GPC6: variants seen among roughly 807,000 people sequenced by gnomAD.
GPC6 encodes the protein glypican 6, also known as glypican-6.
In GPC6, 14 loss-of-function variants were observed where a neutral mutation model predicts 55.2. The observed-to-expected ratio is 0.25, with a 90% CI of 0.17 to 0.40. The LOEUF (loss-of-function observed/expected upper bound fraction) is 0.40, where lower values mean the gene tolerates loss of function less well. Ranked by LOEUF, GPC6 falls within the 10% of genes least tolerant of loss-of-function variation. GPC6 has a pLI of 1.00. For synonymous variants in GPC6, 278 were observed against 259.6 expected (o/e 1.07, Z -0.68); for missense variants, 641 against 708.5 (o/e 0.90, Z 1.08).
At chr13:94,332,181 GC>G (rs1255850896) in intron 6 of GPC6, among the ~76,000 whole-genome samples, 1 of 152,058 alleles carries the variant, frequency 6.6e-6, no homozygotes, top group East Asian at 1.9e-4. Flanking sequence ...ATTCTTTTGG[GC>G]CCCTTTTCTC....
At chr13:93,811,291 C>T (rs1348306481) in intron 2 of GPC6, among the ~76,000 whole-genome samples, 1 of 152,226 alleles carries the variant, frequency 6.6e-6, no homozygotes, top group African/African-American at 2.4e-5. Context: ...TGACAGGGAA[C>T]ATGGACTGCT....
At position 93,961,057 on chromosome 13, in the gene GPC6, G is replaced by A. The variant is rs554564512; in HGVS notation, c.712-66672G>A. On this transcript the variant is annotated intron_variant, in intron 3 of 8. Coordinates refer to ENST00000377047, the MANE Select transcript of GPC6 (RefSeq NM_005708.5). ...TCTGGATCTCCTGACCTCGTGATCC[G>A]CCTGCCTTGGCCTCCCAAAGTGCTG... is the stretch of plus-strand genomic sequence containing the variant. 9.2e-5 allele frequency among the ~76,000 whole-genome samples: 14 copies of A among 152,036 alleles called. No homozygotes were observed. The East Asian group carries it at 1.6e-3, about 17-fold the overall frequency.
intron 5 of GPC6, among the ~76,000 whole-genome samples, chr13:94,305,153 C>G (rs1038930284): frequency 2.0e-5 from 3 of 152,134 alleles, no homozygotes; most frequent in Non-Finnish European, 4.4e-5. Flanking sequence ...AGTTGATTCT[C>G]TTTATTGTAG....
intron 2 of GPC6, among the ~76,000 whole-genome samples, chr13:93,586,286 A>G (rs1386468286): frequency 1.3e-5 from 2 of 152,194 alleles, no homozygotes. Context: ...TGCAAAGGAC[A>G]TGATCTCATT....
intron 8 of GPC6, 29 bp downstream of exon 8, chr13:94,398,670 T>G: frequency 6.2e-7 from 1 of 1,605,164 alleles, no homozygotes; most frequent in Non-Finnish European, 8.5e-7. Flanking sequence ...GCACCAGAAA[T>G]TTTCAAAGTA....
intron 2 of GPC6, among the ~76,000 whole-genome samples, chr13:93,633,635 CAAAT>C (rs10656000): frequency 0.28 from 41,647 of 147,034 alleles, 6,327 homozygotes; most frequent in East Asian, 0.39. Flanking sequence ...GACTCTGTCT[CAAAT>C]AAATAAATAA....
chr13:93,278,351 C>T (rs917350307), intron 1 of GPC6, among the ~76,000 whole-genome samples: 7 of 152,050 alleles, frequency 4.6e-5, no homozygotes, highest in Non-Finnish European at 8.8e-5. Context: ...TAGGTATATC[C>T]GCATTGTTGT....
chr13:93,762,572 C>T (rs968006570), intron 2 of GPC6, among the ~76,000 whole-genome samples: 2 of 152,092 alleles, frequency 1.3e-5, no homozygotes, highest in African/African-American at 4.8e-5. Flanking sequence ...CTGAGAGTTA[C>T]AAAGCATGCA....
At chr13:94,069,099 G>T (rs1315305107) in intron 4 of GPC6, among the ~76,000 whole-genome samples, 1 of 152,182 alleles carries the variant, frequency 6.6e-6, no homozygotes, top group Non-Finnish European at 1.5e-5. Context: ...GCAAACTTCT[G>T]CCTGGGCATC....
chr13:93,722,874 T>C (rs1883499245), intron 2 of GPC6, among the ~76,000 whole-genome samples: 1 of 151,848 alleles, frequency 6.6e-6, no homozygotes, highest in Admixed American at 6.6e-5. Flanking sequence ...TCCCTCTTCC[T>C]GGGTGTCTCT....
At chr13:93,755,492 T>C (rs766323615) in intron 2 of GPC6, among the ~76,000 whole-genome samples, 3 of 152,204 alleles carry the variant, frequency 2.0e-5, no homozygotes, top group Non-Finnish European at 2.9e-5. Flanking sequence ...GAAATTCTTC[T>C]CACTCACTGA....
At chr13:93,964,053 C>T (rs1879908447) in intron 3 of GPC6, among the ~76,000 whole-genome samples, 1 of 152,086 alleles carries the variant, frequency 6.6e-6, no homozygotes. Context: ...TCCACCTCCC[C>T]CCACTCATGT....
chr13:93,583,087 A>C (rs1877012311), intron 2 of GPC6, among the ~76,000 whole-genome samples: 1 of 152,236 alleles, frequency 6.6e-6, no homozygotes, highest in Admixed American at 6.5e-5. Context: ...CAGATAGCTA[A>C]ATGAGATGGC....
At chr13:93,252,043 A>G (rs1389235594) in intron 1 of GPC6, among the ~76,000 whole-genome samples, 1 of 152,212 alleles carries the variant, frequency 6.6e-6, no homozygotes, top group Non-Finnish European at 1.5e-5. Context: ...TGTTGAAACC[A>G]GTGGTTCTCA....
At chr13:94,250,273 C>G (rs2139036444) in intron 4 of GPC6, among the ~76,000 whole-genome samples, 1 of 152,256 alleles carries the variant, frequency 6.6e-6, no homozygotes, top group East Asian at 1.9e-4. Flanking sequence ...AGGAGTCCAT[C>G]TCTGTGAAAT....
chr13:94,395,959 G>A (rs1880876336), intron 7 of GPC6, among the ~76,000 whole-genome samples: 1 of 152,220 alleles, frequency 6.6e-6, no homozygotes, highest in Non-Finnish European at 1.5e-5. Context: ...ATCAGCCAAT[G>A]GGAGGCAGCA....
At chr13:93,259,197 C>T (rs1877054444) in intron 1 of GPC6, among the ~76,000 whole-genome samples, 2 of 152,152 alleles carry the variant, frequency 1.3e-5, no homozygotes, top group South Asian at 4.1e-4. Context: ...GCTCATGAAC[C>T]ACTTAAAGGC....
At chr13:93,889,158 T>C (rs74111034) in intron 3 of GPC6, among the ~76,000 whole-genome samples, 5,670 of 152,156 alleles carry the variant, frequency 0.037, 290 homozygotes, top group East Asian at 0.17. Flanking sequence ...TGGGTTAGCA[T>C]TGATGTGGGT....
chr13:93,945,385 A>G (rs969495742), intron 3 of GPC6, among the ~76,000 whole-genome samples: 2 of 152,212 alleles, frequency 1.3e-5, no homozygotes, highest in Non-Finnish European at 2.9e-5. Flanking sequence ...CATCACTTGT[A>G]TTTGGCAGAC....
Sources: gnomAD v4.1 joint callset for allele counts (sites outside exome capture counted in the v4.1 genomes callset) on GRCh38, gnomAD v4.1.1 for gene constraint, MANE v1.5 for transcripts, NCBI Gene and HGNC (gene_info 2026-07-23, HGNC 2026-07-21) for gene names.